SEMA3A: variants seen among roughly 807,000 people sequenced by gnomAD.
SEMA3A encodes semaphorin-3A.
In SEMA3A, 29 loss-of-function variants were observed where a neutral mutation model predicts 97.9. The observed-to-expected ratio is 0.30, with a 90% CI of 0.22 to 0.40. The LOEUF is 0.40. SEMA3A is among the 10% of genes least tolerant of loss of function. SEMA3A has a pLI of 1.00. For synonymous variants in SEMA3A, 321 were observed against 323.7 expected (o/e 0.99, Z 0.09); for missense variants, 763 against 951.3 (o/e 0.80, Z 2.60).
intron 3 of SEMA3A, 63 bp from the exon 4 acceptor site, chr7:84,110,652 G>A: frequency 6.5e-7 from 1 of 1,543,312 alleles, no homozygotes; most frequent in African/African-American, 1.4e-5. Context: ...ATCCTCTAGG[G>A]TGCTAGGCAT....
At chr7:84,165,840 A>C (rs1415832794) in intron 1 of SEMA3A, among the ~76,000 whole-genome samples, 1 of 152,044 alleles carries the variant, frequency 6.6e-6, no homozygotes, top group Non-Finnish European at 1.5e-5. Context: ...GGAGTGAGCC[A>C]CCCCTCCCGG....
intron 1 of SEMA3A, among the ~76,000 whole-genome samples, chr7:84,144,938 T>C (rs10232605): frequency 0.22 from 34,038 of 152,062 alleles, 3,932 homozygotes; most frequent in South Asian, 0.27. Context: ...CACTCATTTG[T>C]TTTCTCCTTC....
chr7:84,341,341 T>C (rs990209193), intron 2 of SEMA3A, among the ~76,000 whole-genome samples: 2 of 152,248 alleles, frequency 1.3e-5, no homozygotes, highest in Non-Finnish European at 2.9e-5. Flanking sequence ...GTTCTCTGTA[T>C]GTTTGTTTTA....
At chr7:84,333,838 AT>A (rs1801965054) in intron 2 of SEMA3A, among the ~76,000 whole-genome samples, 1 of 151,990 alleles carries the variant, frequency 6.6e-6, no homozygotes, top group Admixed American at 6.6e-5. Context: ...CAGGGAAGTT[AT>A]TTTTAAATTT....
intron 12 of SEMA3A, among the ~76,000 whole-genome samples, chr7:83,996,757 A>T (rs1382822229): frequency 2.0e-5 from 3 of 152,214 alleles, no homozygotes; most frequent in Non-Finnish European, 4.4e-5. Flanking sequence ...TTATGATTGC[A>T]AATCATTTTT....
intron 2 of SEMA3A, among the ~76,000 whole-genome samples, chr7:84,347,699 C>T (rs1031677959): frequency 6.6e-5 from 10 of 152,022 alleles, no homozygotes; most frequent in East Asian, 2.0e-4. Context: ...CATGAGCCAC[C>T]GTGCCCAGCT....
intron 1 of SEMA3A, among the ~76,000 whole-genome samples, chr7:84,407,648 A>G (rs1053408863): frequency 3.3e-5 from 5 of 151,688 alleles, no homozygotes; most frequent in African/African-American, 9.7e-5. Context: ...AAACTATACT[A>G]CAAGGCTACA....
At chr7:84,010,713 T>C (rs1790843797) in intron 9 of SEMA3A, among the ~76,000 whole-genome samples, 1 of 135,482 alleles carries the variant, frequency 7.4e-6, no homozygotes, top group South Asian at 2.6e-4. Flanking sequence ...CAGACTTCCA[T>C]CTGTATAATA....
At chr7:84,086,530 T>TTATTATATTATATTTACATATAA (rs1794367134) in intron 4 of SEMA3A, among the ~76,000 whole-genome samples, 5 of 60,376 alleles carry the variant, frequency 8.3e-5, no homozygotes, top group African/African-American at 1.8e-4. Context: ...ATATAATATA[T>TTATTATATTATATTTACATATAA]TATTATATTA....
At chr7:83,968,458 T>C (rs1229084581) in intron 15 of SEMA3A, among the ~76,000 whole-genome samples, 1 of 152,248 alleles carries the variant, frequency 6.6e-6, no homozygotes, top group East Asian at 1.9e-4. Context: ...CTTTCTGGTT[T>C]TACTTTCTAG....
intron 2 of SEMA3A, among the ~76,000 whole-genome samples, chr7:84,358,049 T>A (rs1422815838): frequency 6.6e-6 from 1 of 152,212 alleles, no homozygotes; most frequent in Non-Finnish European, 1.5e-5. Flanking sequence ...CTTTGTCAGA[T>A]TAGTAGATTG....
chr7:84,381,167 C>G (rs1803249208), intron 1 of SEMA3A, among the ~76,000 whole-genome samples: 2 of 152,054 alleles, frequency 1.3e-5, no homozygotes, highest in African/African-American at 2.4e-5. Context: ...TTATATTAAG[C>G]TAAACTCTAC....
intron 3 of SEMA3A, among the ~76,000 whole-genome samples, chr7:84,234,921 A>G (rs1249508877): frequency 6.6e-6 from 1 of 152,024 alleles, no homozygotes; most frequent in Non-Finnish European, 1.5e-5. Context: ...TAATTCTATT[A>G]CAGATGAATT....
intron 1 of SEMA3A, among the ~76,000 whole-genome samples, chr7:84,424,800 A>C (rs1395181683): frequency 9.8e-6 from 1 of 101,524 alleles, no homozygotes; most frequent in Non-Finnish European, 1.7e-5. Context: ...TAAATAATTT[A>C]TACAAATATA....
chr7:83,967,764 A>G (rs949535068), intron 15 of SEMA3A, among the ~76,000 whole-genome samples: 1 of 152,152 alleles, frequency 6.6e-6, no homozygotes, highest in Non-Finnish European at 1.5e-5. Flanking sequence ...CAAAACAAAC[A>G]AACAAAAAAC....
intron 4 of SEMA3A, among the ~76,000 whole-genome samples, chr7:84,084,733 A>T (rs559728149): frequency 6.6e-6 from 1 of 152,250 alleles, no homozygotes; most frequent in South Asian, 2.1e-4. Context: ...GTGACATAAA[A>T]AGTTCTTTTA....
chr7:84,484,831 A>T (rs1244307505), intron 1 of SEMA3A, among the ~76,000 whole-genome samples: 1 of 152,186 alleles, frequency 6.6e-6, no homozygotes, highest in Non-Finnish European at 1.5e-5. Flanking sequence ...ATCCTTAAGG[A>T]TCATAATATA....
At chr7:84,407,494 A>G (rs562337822) in intron 1 of SEMA3A, among the ~76,000 whole-genome samples, 2 of 152,212 alleles carry the variant, frequency 1.3e-5, no homozygotes, top group Admixed American at 6.5e-5. Context: ...ATTCAATGCC[A>G]TCCACATCAA....
At position 84,222,545 on chromosome 7, in the gene SEMA3A, G is replaced by A. The variant is rs1191112973; in HGVS notation, c.-82-27877C>T. On this transcript the variant is annotated intron_variant, in intron 3 of 3. Transcript: ENST00000424555. The stretch of plus-strand genomic sequence containing the variant: ...TTGGCATAACTGTTTGCTTGGAAAT[G>A]ACACTTCCTAACAAAGCAGCCTATG... 2.0e-5 allele frequency among the ~76,000 whole-genome samples: 3 copies of A among 151,884 alleles called. No homozygotes were observed. The East Asian group carries it at 5.8e-4, about 29-fold the overall frequency.
Sources: gnomAD v4.1 joint callset for allele counts (sites outside exome capture counted in the v4.1 genomes callset) on GRCh38, gnomAD v4.1.1 for gene constraint, MANE v1.5 for transcripts, NCBI Gene and HGNC (gene_info 2026-07-23, HGNC 2026-07-21) for gene names.